DAB1: variants seen among roughly 807,000 people sequenced by gnomAD.
DAB1 encodes the protein disabled homolog 1.
In DAB1, 15 loss-of-function variants were observed where a neutral mutation model predicts 64.6. That is an observed-to-expected ratio of 0.23 (90% confidence interval 0.16 to 0.36). The LOEUF is 0.36. Among genes scored for constraint, DAB1 ranks in the 10% least tolerant of loss-of-function variants. DAB1 has a pLI of 1.00. For synonymous variants in DAB1, 235 were observed against 251.9 expected, an observed-to-expected ratio of 0.93 and a Z score of 0.64; for missense variants, 596 against 706.7, an observed-to-expected ratio of 0.84 and a Z score of 1.78.
intron 7 of DAB1, among the ~76,000 whole-genome samples, chr1:57,548,895 G>C (rs1185014051): frequency 2.6e-5 from 4 of 152,148 alleles, no homozygotes; most frequent in Non-Finnish European, 5.9e-5. Flanking sequence ...CATTAATTTA[G>C]TTAATCCTCA....
chr1:58,005,055 T>C (rs1646561095), intron 5 of DAB1, among the ~76,000 whole-genome samples: 1 of 145,742 alleles, frequency 6.9e-6, no homozygotes, highest in Non-Finnish European at 1.5e-5. Context: ...GAAACTAGAG[T>C]GAGCTTGGGT....
chr1:57,906,368 G>A (rs1202794), intron 5 of DAB1, among the ~76,000 whole-genome samples: 27,508 of 152,090 alleles, frequency 0.18, 2,918 homozygotes, highest in Admixed American at 0.26. Context: ...GGAAAATAAA[G>A]CACTGGCAGG....
At chr1:57,883,264 C>T (rs1029798974) in intron 1 of DAB1, among the ~76,000 whole-genome samples, 4 of 152,196 alleles carry the variant, frequency 2.6e-5, no homozygotes, top group East Asian at 1.9e-4. Context: ...AATTCAATTA[C>T]GTGACTTAAT....
chr1:57,498,980 G>C (rs1644260314), intron 7 of DAB1, among the ~76,000 whole-genome samples: 2 of 152,020 alleles, frequency 1.3e-5, no homozygotes, highest in Non-Finnish European at 2.9e-5. Context: ...ATGGTGTTTT[G>C]TTTTGTTTTG....
At chr1:57,621,829 A>G (rs944267041) in intron 7 of DAB1, among the ~76,000 whole-genome samples, 2 of 152,178 alleles carry the variant, frequency 1.3e-5, no homozygotes, top group East Asian at 1.9e-4. Flanking sequence ...TAGGCCCCCA[A>G]TTACTTCTTG....
At chr1:57,295,269 C>A (rs1361318844) in intron 1 of DAB1, among the ~76,000 whole-genome samples, 1 of 152,134 alleles carries the variant, frequency 6.6e-6, no homozygotes, top group Admixed American at 6.6e-5. Context: ...CTGATATGAG[C>A]CTTGTGTGAT....
At chr1:57,574,985 A>C (rs1221812473) in intron 7 of DAB1, among the ~76,000 whole-genome samples, 1 of 152,200 alleles carries the variant, frequency 6.6e-6, no homozygotes, top group African/African-American at 2.4e-5. Context: ...AGGAGATGAA[A>C]TGAACTAATT....
intron 2 of DAB1, among the ~76,000 whole-genome samples, chr1:57,277,971 T>C (rs532102258): frequency 6.6e-6 from 1 of 152,328 alleles, no homozygotes; most frequent in East Asian, 1.9e-4. Context: ...ACTCAAGTGA[T>C]GATAGTCCCA....
intron 7 of DAB1, among the ~76,000 whole-genome samples, chr1:57,484,835 T>C (rs1644069193): frequency 6.6e-6 from 1 of 152,170 alleles, no homozygotes. Flanking sequence ...ATATTGGTTC[T>C]AGAAGTTGAT....
intron 10 of DAB1, among the ~76,000 whole-genome samples, chr1:57,024,585 T>A (rs1646726137): frequency 6.6e-6 from 1 of 152,144 alleles, no homozygotes; most frequent in Admixed American, 6.5e-5. Context: ...TAAATACCCA[T>A]TTGGACTGCG....
intron 5 of DAB1, among the ~76,000 whole-genome samples, chr1:58,085,561 C>T (rs1167673534): frequency 6.6e-6 from 1 of 151,918 alleles, no homozygotes; most frequent in East Asian, 1.9e-4. Context: ...AGAGACATAG[C>T]CTCACTATGT....
chr1:57,506,121 G>A (rs969222618), intron 7 of DAB1, among the ~76,000 whole-genome samples: 2 of 152,120 alleles, frequency 1.3e-5, no homozygotes, highest in African/African-American at 4.8e-5. Context: ...CCCTTCTTGC[G>A]GTGCCAGAGT....
intron 7 of DAB1, among the ~76,000 whole-genome samples, chr1:57,593,000 T>G (rs776152983): frequency 6.6e-6 from 1 of 152,206 alleles, no homozygotes; most frequent in African/African-American, 2.4e-5. Context: ...GAGACACAGT[T>G]CAGTCCATAA....
In DAB1 at chr1:57,010,793, A is replaced by G; in HGVS notation, c.1573-3T>C. 1 of 1,551,018 alleles carries G rather than the reference A, an allele frequency of 6.4e-7. No homozygotes were observed. Among genetic ancestry groups the G allele is most frequent in the Non-Finnish European group, 8.7e-7 (1 of 1,148,954 alleles). ...GATGAGGCCTGTGATCCATCAGGCTAGAACACAAGAAGATAATACTTTTTT... is the reference window on the plus strand; with the variant it reads ...GATGAGGCCTGTGATCCATCAGGCTGGAACACAAGAAGATAATACTTTTTT... On this transcript the variant is annotated splice_region_variant and splice_polypyrimidine_tract_variant and intron_variant, in intron 13 of 14. Coordinates refer to ENST00000371236, the MANE Select transcript of DAB1 (RefSeq NM_001365792.1).
intron 1 of DAB1, among the ~76,000 whole-genome samples, chr1:57,846,560 T>C (rs1653296939): frequency 1.3e-5 from 2 of 152,212 alleles, no homozygotes; most frequent in South Asian, 4.1e-4. Context: ...CTCTGTGCTG[T>C]TTACTCTGCT....
intron 4 of DAB1, among the ~76,000 whole-genome samples, chr1:58,277,829 C>T (rs1039609343): frequency 3.9e-5 from 6 of 152,146 alleles, no homozygotes; most frequent in African/African-American, 1.4e-4. Flanking sequence ...TGTGAGCCGC[C>T]AGAGCAGTTT....
chr1:57,539,298 T>C (rs1179856100), intron 7 of DAB1, among the ~76,000 whole-genome samples: 2 of 152,176 alleles, frequency 1.3e-5, no homozygotes, highest in African/African-American at 4.8e-5. Flanking sequence ...TGCTTTAAAA[T>C]AACACAATCT....
chr1:58,222,911 G>A (rs1285034338), intron 4 of DAB1, among the ~76,000 whole-genome samples: 1 of 152,222 alleles, frequency 6.6e-6, no homozygotes, highest in Non-Finnish European at 1.5e-5. Flanking sequence ...CTGAGGCTCA[G>A]AGGTGAAGGG....
At chr1:57,316,538 G>A (rs920150975) in intron 1 of DAB1, among the ~76,000 whole-genome samples, 3 of 152,210 alleles carry the variant, frequency 2.0e-5, no homozygotes, top group East Asian at 1.9e-4. Flanking sequence ...TATTGGCAGC[G>A]CTAAAATGGC....
Sources: gnomAD v4.1 joint callset for allele counts (sites outside exome capture counted in the v4.1 genomes callset) on GRCh38, gnomAD v4.1.1 for gene constraint, MANE v1.5 for transcripts, NCBI Gene and HGNC (gene_info 2026-07-23, HGNC 2026-07-21) for gene names.